GMDS: variants seen among roughly 807,000 people sequenced by gnomAD.
GMDS encodes GDP-mannose 4,6-dehydratase.
GMDS carries 20 observed loss-of-function variants against 49.9 expected under a neutral mutation model. The observed-to-expected ratio is 0.40, with a 90% CI of 0.28 to 0.58. The LOEUF (loss-of-function observed/expected upper bound fraction) is 0.58, where lower values mean the gene tolerates loss of function less well. Among genes scored for constraint, GMDS ranks in the 20% least tolerant of loss-of-function variants. The pLI is 0.42. For missense variants in GMDS, 362 were observed against 481.4 expected (o/e 0.75, Z 2.32); for synonymous variants, 177 against 178.6 (o/e 0.99, Z 0.07).
intron 7 of GMDS, among the ~76,000 whole-genome samples, chr6:1,838,721 T>G (rs1174781086): frequency 6.6e-6 from 1 of 152,216 alleles, no homozygotes; most frequent in Non-Finnish European, 1.5e-5. Flanking sequence ...GATGGCAGTA[T>G]TTTATGAGTC....
At chr6:1,723,881 T>C (rs567119651) in intron 9 of GMDS, among the ~76,000 whole-genome samples, 50 of 152,264 alleles carry the variant, frequency 3.3e-4, no homozygotes, top group Non-Finnish European at 6.0e-4. Context: ...TCATACCAAA[T>C]GGCTCTAGAC....
intron 9 of GMDS, among the ~76,000 whole-genome samples, chr6:1,644,075 C>T (rs1041773730): frequency 6.6e-6 from 1 of 152,148 alleles, no homozygotes; most frequent in African/African-American, 2.4e-5. Flanking sequence ...CCCGTGTCCT[C>T]GGCCTGCTCT....
intron 9 of GMDS, among the ~76,000 whole-genome samples, chr6:1,697,626 G>T (rs1175236840): frequency 1.3e-5 from 2 of 152,200 alleles, no homozygotes. Flanking sequence ...ATGAGAACTT[G>T]TTAGAAAAAC....
chr6:1,862,836 T>C (rs1758257122), intron 7 of GMDS, among the ~76,000 whole-genome samples: 1 of 152,226 alleles, frequency 6.6e-6, no homozygotes. Flanking sequence ...ATAGTTTTTA[T>C]GCATATAATG....
intron 7 of GMDS, among the ~76,000 whole-genome samples, chr6:1,780,792 G>A (rs947166508): frequency 2.6e-5 from 4 of 152,176 alleles, no homozygotes; most frequent in East Asian, 1.9e-4. Context: ...GAAGAACTTC[G>A]CCATCTTGTT....
chr6:1,683,422 C>T (rs1367477984), intron 9 of GMDS, among the ~76,000 whole-genome samples: 1 of 152,186 alleles, frequency 6.6e-6, no homozygotes, highest in African/African-American at 2.4e-5. Flanking sequence ...CGCGCGCGGC[C>T]TGGATGGCTC....
rs530242699 is a variant in GMDS, at chr6:2,217,021, T to A, written c.102+28300A>T. Among the ~76,000 whole-genome samples the A allele has an allele frequency of 1.5e-3, 235 of 152,080 alleles. 1 individual carries two copies. The highest frequency in any genetic ancestry group is 2.7e-3 in the Non-Finnish European group (181 of 67,970). ...CGCACATCAGACCTCCCTGCCAGCC[T>A]CCCGCAGCCGCCCTGGCTTCAGCCG... is the stretch of plus-strand genomic sequence containing the variant. On this transcript the variant is annotated intron_variant, in intron 1 of 10. Coordinates refer to ENST00000380815, the MANE Select transcript of GMDS (RefSeq NM_001500.4).
At chr6:1,657,607 A>G (rs1263514654) in intron 9 of GMDS, among the ~76,000 whole-genome samples, 1 of 152,196 alleles carries the variant, frequency 6.6e-6, no homozygotes, top group Non-Finnish European at 1.5e-5. Context: ...TGGTGTTCAC[A>G]CGGCTCTTTC....
chr6:1,748,047 T>A (rs926212081), intron 7 of GMDS, among the ~76,000 whole-genome samples: 7 of 152,204 alleles, frequency 4.6e-5, no homozygotes, highest in African/African-American at 9.6e-5. Context: ...TCATTCTATA[T>A]CAACACCATA....
chr6:2,031,415 AC>A (rs1477569255), intron 4 of GMDS, among the ~76,000 whole-genome samples: 1 of 152,134 alleles, frequency 6.6e-6, no homozygotes, highest in Admixed American at 6.5e-5. Context: ...TCACAGAGTT[AC>A]CTGGATAACA....
intron 7 of GMDS, among the ~76,000 whole-genome samples, chr6:1,916,386 A>C (rs368391040): frequency 6.6e-6 from 1 of 152,002 alleles, no homozygotes; most frequent in Non-Finnish European, 1.5e-5. Context: ...AGATTCTCCA[A>C]AGTAAGAGTT....
intron 9 of GMDS, among the ~76,000 whole-genome samples, chr6:1,701,986 G>C (rs1274466781): frequency 6.6e-6 from 1 of 152,192 alleles, no homozygotes; most frequent in South Asian, 2.1e-4. Context: ...ATGTCAGATG[G>C]CCAACATTTT....
At chr6:2,188,441 C>T (rs534599663) in intron 1 of GMDS, among the ~76,000 whole-genome samples, 48 of 152,268 alleles carry the variant, frequency 3.2e-4, no homozygotes, top group Non-Finnish European at 6.0e-4. Flanking sequence ...TCCATCTCTC[C>T]CCTTGAGAGC....
chr6:1,891,410 G>C (rs1220895962), intron 7 of GMDS, among the ~76,000 whole-genome samples: 1 of 152,180 alleles, frequency 6.6e-6, no homozygotes, highest in Admixed American at 6.5e-5. Context: ...GGCTGTGTCA[G>C]AACAAGAGCC....
intron 7 of GMDS, among the ~76,000 whole-genome samples, chr6:1,849,858 A>G (rs565266941): frequency 6.6e-6 from 1 of 152,346 alleles, no homozygotes; most frequent in Non-Finnish European, 1.5e-5. Flanking sequence ...TCTATCTAAC[A>G]AAGAACTTTT....
chr6:2,123,914 G>A (rs962610312), intron 2 of GMDS, among the ~76,000 whole-genome samples: 1 of 151,962 alleles, frequency 6.6e-6, no homozygotes, highest in Non-Finnish European at 1.5e-5. Context: ...CTTTCCTGTT[G>A]TGTTTCCATT....
At chr6:1,994,602 C>T (rs1766160319) in intron 4 of GMDS, among the ~76,000 whole-genome samples, 1 of 151,870 alleles carries the variant, frequency 6.6e-6, no homozygotes, top group Non-Finnish European at 1.5e-5. Flanking sequence ...AGATGCAAAG[C>T]AATAATAACA....
intron 9 of GMDS, among the ~76,000 whole-genome samples, chr6:1,716,373 G>C (rs1265728454): frequency 6.6e-6 from 1 of 152,196 alleles, no homozygotes; most frequent in Non-Finnish European, 1.5e-5. Flanking sequence ...TCCAGAATTT[G>C]AACCCATCAG....
chr6:2,119,054 A>G (rs1197671429), intron 2 of GMDS, among the ~76,000 whole-genome samples: 1 of 152,160 alleles, frequency 6.6e-6, no homozygotes, highest in Non-Finnish European at 1.5e-5. Flanking sequence ...GATTTCTCAG[A>G]TGTAAATTCT....
Sources: allele counts gnomAD v4.1 joint callset (sites outside exome capture counted in the v4.1 genomes callset), GRCh38; gene constraint gnomAD v4.1.1; transcripts MANE v1.5; gene names NCBI Gene and HGNC (gene_info 2026-07-23, HGNC 2026-07-21).